The following XPO7 variants were observed in gnomAD, a reference collection of about 807,000 sequenced individuals.
XPO7 encodes the protein exportin 7.
A neutral mutation model predicts 144.3 loss-of-function variants in XPO7; 21 were observed. The observed-to-expected ratio is 0.15, with a 90% CI of 0.10 to 0.21. XPO7 has a LOEUF of 0.21. XPO7 is among the 10% of genes least tolerant of loss of function. XPO7 has a pLI of 1.00. For missense variants in XPO7, 808 were observed against 1,325.8 expected (o/e 0.61, Z 6.06); for synonymous variants, 580 against 499.6 (o/e 1.16, Z -2.15).
chr8:21,982,835 A>C, intron 11 of XPO7, 23 bp downstream of exon 11: 1 of 1,576,170 alleles, frequency 6.3e-7, no homozygotes, highest in Non-Finnish European at 8.6e-7. Context: ...AGCCTCATTC[A>C]TTCCCGCACC....
At chr8:21,920,617 A>G (rs971690078) in intron 1 of XPO7, among the ~76,000 whole-genome samples, 3 of 152,218 alleles carry the variant, frequency 2.0e-5, no homozygotes, top group African/African-American at 7.2e-5. Context: ...AGACAGGCAC[A>G]GGCCCTAGAA....
At position 21,981,789 on chromosome 8, in the gene XPO7, G is replaced by C; in HGVS notation, c.1016G>C (p.Ser339Thr). The change falls in exon 10 of 28, where the codon AGT becomes ACT. Residue 339 changes from serine (S) to threonine (T), a missense_variant. Physicochemically the swap from Ser to Thr is moderately conservative, Grantham distance 58 (BLOSUM62 1). Transcript: ENST00000252512. ...EFCRLLARLK[S>T]NYQLGELVKV... ...TGCAGACTACTGGCCCGATTGAAGA[G>C]TAACTATCAACTGGGAGAATTGGTA... 1 of 1,613,956 alleles carries C rather than the reference G, an allele frequency of 6.2e-7. No homozygotes were observed. The highest frequency in any genetic ancestry group is 1.1e-5 in the South Asian group (1 of 91,080).
At chr8:21,966,781 G>A (rs2117324009) in intron 1 of XPO7, 76 bp from the exon 2 acceptor site, 1 of 1,517,318 alleles carries the variant, frequency 6.6e-7, no homozygotes, top group Non-Finnish European at 8.8e-7. Context: ...ATTTATCTTT[G>A]TTTATTAATT....
chr8:21,943,818 A>G (rs1039408695), intron 1 of XPO7, among the ~76,000 whole-genome samples: 3 of 152,226 alleles, frequency 2.0e-5, no homozygotes, highest in African/African-American at 7.2e-5. Context: ...AAACAAAGAG[A>G]AAAAGGCAGC....
chr8:21,970,367 TAA>T, intron 4 of XPO7, 57 bp downstream of exon 4: 1 of 1,435,404 alleles, frequency 7.0e-7, no homozygotes, highest in East Asian at 2.4e-5. Flanking sequence ...TACATATATA[TAA>T]ACACACACAC....
At chr8:21,978,012 A>G (rs1812283215) in intron 8 of XPO7, among the ~76,000 whole-genome samples, 169 bp downstream of exon 8, 1 of 152,256 alleles carries the variant, frequency 6.6e-6, no homozygotes, top group Non-Finnish European at 1.5e-5. Flanking sequence ...GGTTCCAGCC[A>G]TAAAGTCTTA....
intron 1 of XPO7, among the ~76,000 whole-genome samples, chr8:21,928,815 T>C (rs540975418): frequency 1.3e-5 from 2 of 152,260 alleles, no homozygotes; most frequent in Admixed American, 1.3e-4. Context: ...GAAATTCTGA[T>C]TTCACTGTTC....
chr8:21,938,836 T>C (rs1040695272), intron 1 of XPO7, among the ~76,000 whole-genome samples: 2 of 152,178 alleles, frequency 1.3e-5, no homozygotes, highest in African/African-American at 4.8e-5. Flanking sequence ...AGATCCCAGA[T>C]TGAGAAACGT....
chr8:21,951,265 CT>C (rs1029359286), intron 1 of XPO7, among the ~76,000 whole-genome samples: 99 of 145,196 alleles, frequency 6.8e-4, no homozygotes, highest in Admixed American at 7.6e-4. Context: ...TTAAGTACGT[CT>C]TTTTTTTTTT....
At chr8:21,941,656 C>T (rs907373251) in intron 1 of XPO7, among the ~76,000 whole-genome samples, 2 of 152,138 alleles carry the variant, frequency 1.3e-5, no homozygotes, top group African/African-American at 4.8e-5. Context: ...CCCACAGATA[C>T]AGAAGGCCAA....
chr8:21,959,667 G>A (rs984785905), intron 1 of XPO7, among the ~76,000 whole-genome samples: 5 of 151,688 alleles, frequency 3.3e-5, no homozygotes, highest in Non-Finnish European at 5.9e-5. Context: ...CCTAATCATC[G>A]TTTTCATGAT....
chr8:21,969,432 G>T, intron 2 of XPO7, 51 bp from the exon 3 acceptor site: 1 of 1,486,702 alleles, frequency 6.7e-7, no homozygotes, highest in Admixed American at 1.8e-5. Context: ...AAAACCTTGT[G>T]ACTGGCTTAC....
At chr8:21,987,437 A>G (rs1318550047) in intron 14 of XPO7, among the ~76,000 whole-genome samples, 161 bp downstream of exon 14, 2 of 152,214 alleles carry the variant, frequency 1.3e-5, no homozygotes, top group African/African-American at 4.8e-5. Context: ...AGAGTCATCA[A>G]AGAATTGGGC....
At chr8:21,938,425 G>T (rs918449498) in intron 1 of XPO7, among the ~76,000 whole-genome samples, 2 of 152,216 alleles carry the variant, frequency 1.3e-5, no homozygotes, top group South Asian at 2.1e-4. Context: ...CCCTATACCC[G>T]ATAAGTAGTC....
chr8:21,997,675 C>A (rs1247955798), intron 21 of XPO7, among the ~76,000 whole-genome samples: 1 of 152,014 alleles, frequency 6.6e-6, no homozygotes. Context: ...CTGTGGGAAG[C>A]CGCTAGAGTG....
chr8:21,993,047 C>T (rs895268001), intron 19 of XPO7, among the ~76,000 whole-genome samples: 1 of 152,160 alleles, frequency 6.6e-6, no homozygotes, highest in African/African-American at 2.4e-5. Context: ...CAGAAAGCAA[C>T]AACACTTAAT....
At chr8:21,966,297 G>A (rs755715999) in intron 1 of XPO7, 1 of 780,454 alleles carries the variant, frequency 1.3e-6, no homozygotes, top group Admixed American at 1.7e-5. Context: ...TTAGACATGA[G>A]GGATCCAGGG....
chr8:21,997,455 A>C (rs931242572), intron 21 of XPO7, among the ~76,000 whole-genome samples: 1 of 152,236 alleles, frequency 6.6e-6, no homozygotes, highest in Non-Finnish European at 1.5e-5. Context: ...CTAAATGACA[A>C]GAAAGATTCT....
chr8:21,946,665 G>A (rs1300325535), intron 1 of XPO7, among the ~76,000 whole-genome samples: 2 of 136,590 alleles, frequency 1.5e-5, no homozygotes, highest in African/African-American at 2.8e-5. Context: ...TTTTTTTGAC[G>A]GAGTCTTGCC....
Sources: gnomAD v4.1 joint callset for allele counts (sites outside exome capture counted in the v4.1 genomes callset) on GRCh38, gnomAD v4.1.1 for gene constraint, MANE v1.5 for transcripts, NCBI Gene and HGNC (gene_info 2026-07-23, HGNC 2026-07-21) for gene names.